Variants in LINGO2 observed in about 807,000 individuals in gnomAD.
LINGO2 encodes leucine rich repeat and Ig domain containing 2, also known as leucine-rich repeat and immunoglobulin-like domain-containing nogo receptor-interacting protein 2.
Under a neutral mutation model 30.6 loss-of-function variants are expected in LINGO2, and 14 were observed. The ratio of observed to expected loss-of-function variants is 0.46; its 90% CI spans 0.30 to 0.72. The LOEUF (loss-of-function observed/expected upper bound fraction) is 0.72. LINGO2 is among the 30% of genes least tolerant of loss of function. The pLI is 0.07. For missense variants in LINGO2, 729 were observed against 751.7 expected (o/e 0.97, Z 0.35); for synonymous variants, 317 against 288.5 (o/e 1.10, Z -1.00).
Position 28,579,090 on chromosome 9 carries a change from T to C in LINGO2, c.-365+91110A>G, listed in dbSNP as rs545435327. On this transcript the variant is annotated intron_variant, in intron 1 of 5. Transcript: ENST00000379992. ...TTTTTTTGTTTCTACAGCTACACAG[T>C]ATGTGTGAGGTTCAATCTGACTATC... Among the ~76,000 whole-genome samples, 12 of 151,194 alleles carry C rather than the reference T, an allele frequency of 7.9e-5. No individual in the cohort carries two copies. The East Asian group carries it at 2.0e-3, about 25-fold the overall frequency.
chr9:28,322,324 C>T (rs1825073693), intron 3 of LINGO2, among the ~76,000 whole-genome samples: 1 of 152,074 alleles, frequency 6.6e-6, no homozygotes, highest in South Asian at 2.1e-4. Flanking sequence ...TCATATCACA[C>T]CATTTTCATT....
At chr9:28,663,784 T>C (rs896831228) in intron 1 of LINGO2, among the ~76,000 whole-genome samples, 4 of 152,154 alleles carry the variant, frequency 2.6e-5, no homozygotes, top group African/African-American at 4.8e-5. Context: ...TGCCGTATGC[T>C]GAAGATGACT....
At chr9:28,779,663 A>G in the LINGO2 span, among the ~76,000 whole-genome samples, 1 of 152,176 alleles carries the variant, frequency 6.6e-6, no homozygotes, top group East Asian at 1.9e-4. Context: ...TGAATCTTAC[A>G]ACACATTTCA....
chr9:28,411,523 A>G (rs1365706849), intron 2 of LINGO2, among the ~76,000 whole-genome samples: 1 of 152,098 alleles, frequency 6.6e-6, no homozygotes, highest in African/African-American at 2.4e-5. Context: ...CCTTCCTGCC[A>G]ACCACCATTC....
the LINGO2 span, among the ~76,000 whole-genome samples, chr9:29,026,022 T>A: frequency 7.4e-4 from 112 of 152,212 alleles, no homozygotes; most frequent in Middle Eastern, 0.014. Flanking sequence ...ATTTATATTA[T>A]TGCTTTTCTT....
intron 4 of LINGO2, among the ~76,000 whole-genome samples, chr9:28,153,938 A>C (rs562125994): frequency 3.9e-5 from 6 of 152,354 alleles, no homozygotes; most frequent in Non-Finnish European, 8.8e-5. Context: ...TTCATGAATT[A>C]AGGTTTATAA....
At chr9:28,066,102 C>T (rs535226952) in intron 4 of LINGO2, among the ~76,000 whole-genome samples, 10 of 152,020 alleles carry the variant, frequency 6.6e-5, no homozygotes, top group Admixed American at 5.3e-4. Context: ...TGTTTAAAGC[C>T]CCTGGAAGTC....
the LINGO2 span, among the ~76,000 whole-genome samples, chr9:28,971,139 G>A: frequency 5.9e-5 from 9 of 152,244 alleles, no homozygotes; most frequent in East Asian, 1.5e-3. Context: ...TGGGCAAGAA[G>A]AGAACTCACT....
chr9:28,382,992 A>G (rs1821414592), intron 2 of LINGO2, among the ~76,000 whole-genome samples: 1 of 152,096 alleles, frequency 6.6e-6, no homozygotes, highest in African/African-American at 2.4e-5. Flanking sequence ...CAATGTGGAC[A>G]AAAAGAACAA....
At chr9:28,480,868 G>A (rs1231604588) in intron 1 of LINGO2, among the ~76,000 whole-genome samples, 1 of 151,980 alleles carries the variant, frequency 6.6e-6, no homozygotes, top group African/African-American at 2.4e-5. Context: ...AAGGCATTGC[G>A]ACTTCTCTAT....
At chr9:28,757,808 AC>A in the LINGO2 span, among the ~76,000 whole-genome samples, 1 of 151,778 alleles carries the variant, frequency 6.6e-6, no homozygotes, top group South Asian at 2.1e-4. Context: ...AGAGGCCACA[AC>A]CTCCCAAGAC....
At chr9:28,810,549 G>C in the LINGO2 span, among the ~76,000 whole-genome samples, 1 of 152,106 alleles carries the variant, frequency 6.6e-6, no homozygotes. Context: ...TTCATCAAGA[G>C]AGTGCTGTGA....
the LINGO2 span, among the ~76,000 whole-genome samples, chr9:28,735,455 G>A: frequency 2.4e-4 from 36 of 151,930 alleles, 1 homozygote; most frequent in African/African-American, 4.8e-5. Flanking sequence ...CTCCTTTTAA[G>A]TATACTTAGT....
At chr9:28,821,554 C>G in the LINGO2 span, among the ~76,000 whole-genome samples, 5 of 152,188 alleles carry the variant, frequency 3.3e-5, no homozygotes, top group Non-Finnish European at 7.3e-5. Flanking sequence ...TGCAACAGTC[C>G]TACCTCAATG....
chr9:28,548,570 G>T (rs1215269294), intron 1 of LINGO2, among the ~76,000 whole-genome samples: 1 of 151,476 alleles, frequency 6.6e-6, no homozygotes, highest in Non-Finnish European at 1.5e-5. Flanking sequence ...CAGGTGTGCT[G>T]GTAGGCACTT....
intron 3 of LINGO2, among the ~76,000 whole-genome samples, chr9:28,310,221 C>T (rs568980449): frequency 6.6e-6 from 1 of 152,298 alleles, no homozygotes; most frequent in Non-Finnish European, 1.5e-5. Context: ...ATATGACATA[C>T]AAACACTTGT....
At chr9:27,968,347 A>G (rs1470167784) in intron 5 of LINGO2, among the ~76,000 whole-genome samples, 2 of 152,070 alleles carry the variant, frequency 1.3e-5, no homozygotes, top group East Asian at 1.9e-4. Flanking sequence ...TTCATGACTC[A>G]TGGTTCCAAA....
At chr9:29,152,555 A>T in the LINGO2 span, among the ~76,000 whole-genome samples, 1 of 152,182 alleles carries the variant, frequency 6.6e-6, no homozygotes, top group Non-Finnish European at 1.5e-5. Flanking sequence ...GGAACAGAAA[A>T]CTTTATACCA....
chr9:28,569,074 A>G (rs1823541402), intron 1 of LINGO2, among the ~76,000 whole-genome samples: 1 of 150,346 alleles, frequency 6.7e-6, no homozygotes, highest in Non-Finnish European at 1.5e-5. Context: ...TGCAAATCAA[A>G]CCGCAATGAG....
Sources: gnomAD v4.1 joint callset for allele counts (sites outside exome capture counted in the v4.1 genomes callset) on GRCh38, gnomAD v4.1.1 for gene constraint, MANE v1.5 for transcripts, NCBI Gene and HGNC (gene_info 2026-07-23, HGNC 2026-07-21) for gene names.